Variants in SLCO3A1 observed in about 807,000 individuals in gnomAD.
The protein encoded by SLCO3A1 is solute carrier organic anion transporter family member 3A1.
SLCO3A1 carries 27 observed loss-of-function variants against 63.1 expected under a neutral mutation model. That is an observed-to-expected ratio of 0.43 (90% CI 0.32 to 0.59). SLCO3A1 has a LOEUF of 0.59. SLCO3A1 is among the 20% of genes least tolerant of loss of function. The pLI is 0.09. For synonymous variants in SLCO3A1, 473 were observed against 409.9 expected, an observed-to-expected ratio of 1.15 and a Z score of -1.86; for missense variants, 773 against 945.8, an observed-to-expected ratio of 0.82 and a Z score of 2.40.
intron 2 of SLCO3A1, among the ~76,000 whole-genome samples, chr15:92,016,254 T>TAGATAGATAGATTAGATAGATTAGA: frequency 1.0e-5 from 1 of 95,658 alleles, no homozygotes; most frequent in Non-Finnish European, 2.1e-5. Context: ...GATAGATAGA[T>TAGATAGATAGATTAGATAGATTAGA]TAGATAGATA....
chr15:92,031,770 C>A (rs771263782), intron 2 of SLCO3A1, among the ~76,000 whole-genome samples: 3 of 152,324 alleles, frequency 2.0e-5, no homozygotes, highest in Middle Eastern at 3.4e-3. Context: ...GGGCATCCAT[C>A]ACCTCAAGCA....
rs761119288 is a variant in SLCO3A1, at chr15:91,854,034, C to T, written c.126C>T (p.Phe42=). ...CCTGCTTTTCCAACATCAAGATCTT[C>T]CTGGTGTCCGAGTGCGCCCTGATGC... ...KVSCFSNIKI[F]LVSECALMLA... The change falls in exon 1 of 10, where the codon TTC becomes TTT. Residue 42 remains phenylalanine (F), a synonymous_variant. Transcript: ENST00000318445. This position sits in a 1 kb window ranked among gnomAD's most constrained non-coding sequence, Gnocchi z 6.4. 17 of 1,544,010 alleles carry T rather than the reference C, an allele frequency of 1.1e-5. 1 individual carries two copies. In the South Asian group the frequency reaches 1.9e-4, roughly 17 times the overall value.
At chr15:91,955,556 C>T (rs2151416003) in intron 2 of SLCO3A1, among the ~76,000 whole-genome samples, 1 of 152,298 alleles carries the variant, frequency 6.6e-6, no homozygotes, top group Non-Finnish European at 1.5e-5. Context: ...TGGTCTTGAA[C>T]TCCTGACCTC....
intron 2 of SLCO3A1, among the ~76,000 whole-genome samples, chr15:91,999,041 A>G (rs1203770425): frequency 1.3e-5 from 2 of 152,230 alleles, no homozygotes; most frequent in Non-Finnish European, 2.9e-5. Flanking sequence ...AGGAACAGAA[A>G]ATCAAATACC....
chr15:91,878,916 C>A (rs1309790575), intron 1 of SLCO3A1, among the ~76,000 whole-genome samples: 1 of 152,180 alleles, frequency 6.6e-6, no homozygotes, highest in Non-Finnish European at 1.5e-5. Context: ...CCAGTTTTAT[C>A]CATTTCTCTC....
chr15:92,004,144 A>T (rs1273222126), intron 2 of SLCO3A1, among the ~76,000 whole-genome samples: 1 of 152,146 alleles, frequency 6.6e-6, no homozygotes, highest in East Asian at 1.9e-4. Flanking sequence ...CAGCTTTAAC[A>T]TGCTCCAGTC....
intron 2 of SLCO3A1, among the ~76,000 whole-genome samples, chr15:91,951,915 T>G (rs557934796): frequency 1.3e-5 from 2 of 152,222 alleles, no homozygotes; most frequent in Non-Finnish European, 2.9e-5. Flanking sequence ...TACCGAGAAT[T>G]GGAACTGCTG....
chr15:92,112,377 T>G (rs1035555806), intron 4 of SLCO3A1, among the ~76,000 whole-genome samples: 1 of 152,244 alleles, frequency 6.6e-6, no homozygotes, highest in Non-Finnish European at 1.5e-5. Flanking sequence ...AGCATTGCCC[T>G]TCTGAAGCAT....
At chr15:92,046,296 C>G (rs1019948168) in intron 2 of SLCO3A1, among the ~76,000 whole-genome samples, 4 of 151,896 alleles carry the variant, frequency 2.6e-5, no homozygotes, top group Non-Finnish European at 4.4e-5. Flanking sequence ...GGATGGGTCA[C>G]TTGAGATCAG....
chr15:92,005,913 G>A (rs1386499294), intron 2 of SLCO3A1, among the ~76,000 whole-genome samples: 1 of 152,142 alleles, frequency 6.6e-6, no homozygotes, highest in Non-Finnish European at 1.5e-5. Context: ...CTGAGCGAAA[G>A]CGTTTCTGAG....
Position 92,056,265 on chromosome 15 carries a change from C to T in SLCO3A1, c.647-38616C>T, listed in dbSNP as rs181431974. ...CATTATCCTTGAAGGCAAAATAAAG[C>T]ATACAGAATTACAGTTAAGTGAATA... On this transcript the variant is annotated intron_variant, in intron 2 of 9. Transcript: ENST00000318445. Among the ~76,000 whole-genome samples, 138 of 152,270 alleles carry T rather than the reference C, an allele frequency of 9.1e-4. 1 individual carries two copies. Among genetic ancestry groups the T allele is most frequent in the African/African-American group, 3.3e-3 (137 of 41,546 alleles).
chr15:92,018,954 AT>A (rs954194013), intron 2 of SLCO3A1, among the ~76,000 whole-genome samples: 40 of 152,052 alleles, frequency 2.6e-4, no homozygotes, highest in Middle Eastern at 6.8e-3. Flanking sequence ...CATATGGGGA[AT>A]TTTTTTCCCC....
intron 2 of SLCO3A1, among the ~76,000 whole-genome samples, chr15:91,972,818 A>T (rs1900930051): frequency 6.6e-6 from 1 of 152,116 alleles, no homozygotes; most frequent in Non-Finnish European, 1.5e-5. Context: ...CTGTCCACAC[A>T]TACATAGAAA....
chr15:92,059,151 T>C (rs180679227), intron 2 of SLCO3A1, among the ~76,000 whole-genome samples: 66 of 152,308 alleles, frequency 4.3e-4, no homozygotes, highest in Middle Eastern at 3.4e-3. Flanking sequence ...GCTTTCCCCT[T>C]TCCATCTCCA....
At chr15:92,160,477 A>G (rs2048422347) in intron 9 of SLCO3A1, among the ~76,000 whole-genome samples, 1 of 152,146 alleles carries the variant, frequency 6.6e-6, no homozygotes, top group Non-Finnish European at 1.5e-5. Flanking sequence ...TTGGGATCAC[A>G]GGGAATGCTA....
intron 2 of SLCO3A1, among the ~76,000 whole-genome samples, chr15:91,961,814 C>G (rs1900457476): frequency 6.6e-6 from 1 of 152,234 alleles, no homozygotes; most frequent in Admixed American, 6.5e-5. Flanking sequence ...AATGCCAGCT[C>G]TATGAGAGCG....
chr15:91,887,422 T>G (rs1387289738), intron 1 of SLCO3A1, among the ~76,000 whole-genome samples: 1 of 152,098 alleles, frequency 6.6e-6, no homozygotes, highest in Non-Finnish European at 1.5e-5. Flanking sequence ...CATGAGACAT[T>G]GCGGCCGCTA....
At chr15:92,053,907 A>G (rs1270532760) in intron 2 of SLCO3A1, among the ~76,000 whole-genome samples, 1 of 151,962 alleles carries the variant, frequency 6.6e-6, no homozygotes, top group Non-Finnish European at 1.5e-5. Flanking sequence ...GTTTGGCAGG[A>G]AGTCACGGTG....
rs780993386 is a variant in SLCO3A1 at position 92,150,998 on chromosome 15, C to T, written c.1737C>T (p.Leu579=). The change falls in exon 9 of 10, where the codon CTC becomes CTT. Residue 579 remains leucine (L), a synonymous_variant. Transcript: ENST00000318445. ...LKSYALGVLF[L]LLRLLGFIPP... Reference sequence around the variant, plus strand: ...CTTACGCTTTGGGAGTTCTTTTTCTCCTCCTTCGTTTGTTGGGTATGTATT... The same window carrying T: ...CTTACGCTTTGGGAGTTCTTTTTCTTCTCCTTCGTTTGTTGGGTATGTATT... 6.2e-7 allele frequency: 1 copy of T among 1,612,138 alleles called. No homozygotes were observed. Among genetic ancestry groups the T allele is most frequent in the Admixed American group, 1.7e-5 (1 of 59,906 alleles).
Sources: allele counts gnomAD v4.1 joint callset (sites outside exome capture counted in the v4.1 genomes callset), GRCh38; gene constraint gnomAD v4.1.1; non-coding constraint Gnocchi (gnomAD v3.1); transcripts MANE v1.5; gene names NCBI Gene and HGNC (gene_info 2026-07-23, HGNC 2026-07-21).